Variants in CUL4A observed in about 807,000 individuals in gnomAD.
CUL4A encodes cullin 4A.
Under a neutral mutation model 95.5 loss-of-function variants are expected in CUL4A, and 16 were observed. The ratio of observed to expected loss-of-function variants is 0.17; its 90% CI spans 0.11 to 0.25. The LOEUF (loss-of-function observed/expected upper bound fraction) is 0.25, where lower values mean the gene tolerates loss of function less well. Ranked by LOEUF, CUL4A falls within the 10% of genes least tolerant of loss-of-function variation. The pLI is 1.00. For missense variants in CUL4A, 610 were observed against 937.0 expected, an observed-to-expected ratio of 0.65 and a Z score of 4.56; for synonymous variants, 380 against 353.1, an observed-to-expected ratio of 1.08 and a Z score of -0.85.
chr13:113,208,347 T>C (rs918061748), upstream of CUL4A: 7 of 1,433,014 alleles, frequency 4.9e-6, no homozygotes, highest in African/African-American at 7.2e-5. Context: ...CCGCGTCTAC[T>C]TACACCGCGA....
chr13:113,261,171 G>A (rs3814258), intron 19 of CUL4A, among the ~76,000 whole-genome samples: 22,617 of 152,206 alleles, frequency 0.15, 2,434 homozygotes, highest in East Asian at 0.35. Context: ...TACTGTTGCT[G>A]TTGCTTATGA....
At chr13:113,255,800 C>G (rs984784216) in intron 18 of CUL4A, among the ~76,000 whole-genome samples, 4 of 152,216 alleles carry the variant, frequency 2.6e-5, no homozygotes, top group Admixed American at 2.6e-4. Flanking sequence ...ATCCCTTCAC[C>G]TACTGAAGGA....
Position 113,233,944 on chromosome 13 carries a change from C to A in CUL4A, c.723C>A (p.Cys241Ter). The A allele has an allele frequency of 6.2e-7, 1 of 1,611,966 alleles. No homozygotes were observed. The highest frequency in any genetic ancestry group is 1.7e-5 in the Admixed American group (1 of 59,770). The change falls in exon 7 of 20, where the codon TGC becomes TGA. Residue 241 changes from cysteine to a stop codon, truncating the protein, a stop_gained. Transcript: ENST00000375440. LOFTEE classifies it high-confidence loss of function. ...TGAAATTTTTGGAAGAGACTAATTG[C>A]TTATATGCTGCCGAAGGCCAAAGGT... The part of the protein sequence containing the change: ...FELKFLEETN[C>*]LYAAEGQRLM...
At chr13:113,243,436 G>T (rs986090955) in intron 11 of CUL4A, among the ~76,000 whole-genome samples, 3 of 152,002 alleles carry the variant, frequency 2.0e-5, no homozygotes, top group Non-Finnish European at 4.4e-5. Flanking sequence ...GAAGGGAGGG[G>T]TGATCACCAT....
chr13:113,255,892 T>G (rs989643467), intron 18 of CUL4A, among the ~76,000 whole-genome samples: 2 of 152,168 alleles, frequency 1.3e-5, no homozygotes, highest in Non-Finnish European at 2.9e-5. Flanking sequence ...TGGACTTAAG[T>G]TTTTAACTCC....
intron 2 of CUL4A, among the ~76,000 whole-genome samples, chr13:113,210,425 C>A (rs180754604): frequency 6.6e-6 from 1 of 152,308 alleles, no homozygotes; most frequent in Non-Finnish European, 1.5e-5. Flanking sequence ...GACTGTGTCA[C>A]TTGCCACAGT....
intron 10 of CUL4A, among the ~76,000 whole-genome samples, chr13:113,242,288 C>T (rs1463987264): frequency 6.6e-6 from 1 of 151,406 alleles, no homozygotes; most frequent in South Asian, 2.1e-4. Context: ...AAAGTACAAA[C>T]TAAAAAAGTG....
At chr13:113,243,904 A>C (rs1595405284) in intron 11 of CUL4A, among the ~76,000 whole-genome samples, 1 of 152,346 alleles carries the variant, frequency 6.6e-6, no homozygotes, top group South Asian at 2.1e-4. Flanking sequence ...TTCTCCCATC[A>C]CATGGGGACT....
At chr13:113,235,037 A>T (rs1389548473) in intron 7 of CUL4A, 26 bp from the exon 8 acceptor site, 6 of 1,478,434 alleles carry the variant, frequency 4.1e-6, no homozygotes, top group African/African-American at 1.4e-5. Flanking sequence ...TTTGTTACTG[A>T]TACATTTAAT....
chr13:113,256,434 G>C (rs181199900), intron 18 of CUL4A, among the ~76,000 whole-genome samples: 12 of 152,202 alleles, frequency 7.9e-5, no homozygotes. Context: ...TCTTGCTCTG[G>C]AGCTGCTGGG....
At chr13:113,214,837 C>T (rs2040584207) in intron 2 of CUL4A, among the ~76,000 whole-genome samples, 2 of 152,230 alleles carry the variant, frequency 1.3e-5, no homozygotes, top group South Asian at 4.1e-4. Flanking sequence ...TCCACAGCCA[C>T]ACAGGTCTCA....
rs1358803215 is a variant in CUL4A, at chr13:113,266,738, T to G, written c.*3156T>G. 3.9e-5 allele frequency: 6 copies of G among 152,206 alleles called. No individual in the cohort carries two copies. The highest frequency in any genetic ancestry group is 7.3e-5 in the Non-Finnish European group (5 of 68,038). 9.4% of individuals were successfully genotyped at this position (152,206 alleles called of 1,614,324 possible). ...TGCAACAACTACCCATGCTCAGAAG[T>G]TTGGGCCACCTTGAAAAGAGAAAAG... is the stretch of plus-strand genomic sequence containing the variant. On this transcript the variant is annotated 3_prime_UTR_variant, in exon 20 of 20. Coordinates refer to ENST00000375440, the MANE Select transcript of CUL4A (RefSeq NM_001008895.4).
chr13:113,253,207 G>C lies in CUL4A; in HGVS notation c.1752+12G>C, dbSNP rs751578530. 3.6e-6 allele frequency: 5 copies of C among 1,396,768 alleles called. No homozygotes were observed. The African/African-American group carries it at 5.8e-5, about 16-fold the overall frequency. 86.5% of individuals were successfully genotyped at this position (1,396,768 alleles called of 1,614,324 possible). A position where few individuals can be genotyped will look rare whatever the true frequency, so the allele number is the denominator to read the frequency against. On this transcript the variant is annotated intron_variant, in intron 16 of 19. Coordinates refer to ENST00000375440, the MANE Select transcript of CUL4A (RefSeq NM_001008895.4). ...CGGAGTTTAAAGAAGTAAGTTGTCTGTTTCATTTATTTTTTATTATTTGTA... is the reference window on the plus strand; with the variant it reads ...CGGAGTTTAAAGAAGTAAGTTGTCTCTTTCATTTATTTTTTATTATTTGTA...
intron 10 of CUL4A, 90 bp downstream of exon 10, chr13:113,239,641 G>A (rs2041650135): frequency 2.1e-6 from 2 of 933,716 alleles, no homozygotes; most frequent in Non-Finnish European, 3.3e-6. Flanking sequence ...CCTGGCAAAG[G>A]GAACTGGGCT....
At chr13:113,213,031 T>G (rs1273382460) in intron 2 of CUL4A, among the ~76,000 whole-genome samples, 1 of 152,178 alleles carries the variant, frequency 6.6e-6, no homozygotes, top group Non-Finnish European at 1.5e-5. Flanking sequence ...TAAGAAAGTG[T>G]GCTAAGATTT....
In CUL4A at chr13:113,260,619, G is replaced by C. The variant is rs2042251631; in HGVS notation, c.2044G>C (p.Val682Leu). 1.9e-6 allele frequency: 3 copies of C among 1,609,680 alleles called. No individual in the cohort carries two copies. The South Asian group carries it at 3.3e-5, about 18-fold the overall frequency. Reference sequence around the variant, plus strand: ...CTTTTTTATACAGGTTGAGGAACAGGTTAGCACCACTGAGAGAGTGTTTCA... The same window carrying C: ...CTTTTTTATACAGGTTGAGGAACAGCTTAGCACCACTGAGAGAGTGTTTCA... ...IQMKETVEEQ[V>L]STTERVFQDR... is the part of the protein sequence containing the mutation. Residue 682 changes from valine to leucine, a missense_variant, in exon 19 of 20, where the codon GTT (valine) becomes CTT (leucine). Transcript: ENST00000375440.
At chr13:113,245,903 A>C in intron 14 of CUL4A, 53 bp from the exon 15 acceptor site, 1 of 1,289,266 alleles carries the variant, frequency 7.8e-7, no homozygotes, top group Non-Finnish European at 1.1e-6. Flanking sequence ...GTTTTAGGTT[A>C]ATTATGTTTT....
chr13:113,235,248 A>G (rs1459474290), intron 8 of CUL4A, 103 bp downstream of exon 8: 2 of 737,400 alleles, frequency 2.7e-6, no homozygotes, highest in Non-Finnish European at 2.3e-6. Flanking sequence ...TTCATTCAGT[A>G]CTAAGAGTGT....
chr13:113,236,505 C>G (rs867746575), intron 8 of CUL4A, among the ~76,000 whole-genome samples: 2 of 152,146 alleles, frequency 1.3e-5, no homozygotes, highest in African/African-American at 4.8e-5. Flanking sequence ...TTAAAACGTT[C>G]CTTATAAACT....
Sources: allele counts gnomAD v4.1 joint callset (sites outside exome capture counted in the v4.1 genomes callset), GRCh38; gene constraint gnomAD v4.1.1; transcripts MANE v1.5; gene names NCBI Gene and HGNC (gene_info 2026-07-23, HGNC 2026-07-21).